CFAP299: variants seen among roughly 807,000 people sequenced by gnomAD.
CFAP299 encodes cilia- and flagella-associated protein 299.
In CFAP299, 21 loss-of-function variants were observed where a neutral mutation model predicts 27.0. The ratio of observed to expected loss-of-function variants is 0.78; its 90% CI spans 0.55 to 1.12. The LOEUF (loss-of-function observed/expected upper bound fraction) is 1.12. Ranked by LOEUF, CFAP299 falls within the 50% of genes most tolerant of loss-of-function variation. CFAP299 has a pLI of 0.00. For synonymous variants in CFAP299, 104 were observed against 98.1 expected (o/e 1.06, Z -0.36); for missense variants, 310 against 276.6 (o/e 1.12, Z -0.86).
intron 4 of CFAP299, among the ~76,000 whole-genome samples, chr4:80,921,774 CAAGCTGCTGCTGAGGGCCTGAACT>C (rs1229873230): frequency 6.6e-6 from 1 of 151,912 alleles, no homozygotes; most frequent in Non-Finnish European, 1.5e-5. Context: ...GACAAATAAA[CAAGCTGCTGCTGAGGGCCTGAACT>C]AGAGCAGTGG....
chr4:80,703,096 A>G (rs1228747661), intron 3 of CFAP299, among the ~76,000 whole-genome samples: 1 of 151,734 alleles, frequency 6.6e-6, no homozygotes, highest in Non-Finnish European at 1.5e-5. Context: ...GCATATGTCT[A>G]TTTAATAAAG....
chr4:80,613,336 C>T (rs1159654214), intron 3 of CFAP299, among the ~76,000 whole-genome samples: 1 of 152,030 alleles, frequency 6.6e-6, no homozygotes, highest in Admixed American at 6.6e-5. Flanking sequence ...TTTGTGGAAC[C>T]TCTCATTTTC....
intron 2 of CFAP299, among the ~76,000 whole-genome samples, chr4:80,400,561 C>T (rs555797631): frequency 2.6e-5 from 4 of 152,176 alleles, no homozygotes; most frequent in Admixed American, 6.5e-5. Context: ...CTCTTGCTAC[C>T]GCCATGTAAG....
chr4:80,592,482 A>G (rs1454454856), intron 3 of CFAP299, among the ~76,000 whole-genome samples: 2 of 152,212 alleles, frequency 1.3e-5, no homozygotes, highest in South Asian at 2.1e-4. Context: ...ATAATTTGCT[A>G]TGTGAAACAT....
At chr4:80,908,588 C>T (rs1187700411) in intron 4 of CFAP299, among the ~76,000 whole-genome samples, 1 of 152,132 alleles carries the variant, frequency 6.6e-6, no homozygotes, top group Non-Finnish European at 1.5e-5. Context: ...ATTAGTGTCA[C>T]CAGAAAACAT....
chr4:80,439,802 C>T (rs1171299242), intron 2 of CFAP299, among the ~76,000 whole-genome samples: 2 of 152,160 alleles, frequency 1.3e-5, no homozygotes, highest in Admixed American at 1.3e-4. Context: ...GATCCACTGG[C>T]GGGAAATTCT....
At chr4:80,684,932 C>G (rs1328569734) in intron 3 of CFAP299, among the ~76,000 whole-genome samples, 1 of 151,944 alleles carries the variant, frequency 6.6e-6, no homozygotes, top group African/African-American at 2.4e-5. Context: ...TAAAGACTAA[C>G]AAATTTTTAA....
At chr4:80,792,279 G>T (rs1323526492) in intron 3 of CFAP299, among the ~76,000 whole-genome samples, 3 of 152,056 alleles carry the variant, frequency 2.0e-5, no homozygotes, top group African/African-American at 7.2e-5. Context: ...CAGGGGTCAG[G>T]CAGACTTTTG....
At chr4:80,609,539 A>G (rs1365604722) in intron 3 of CFAP299, among the ~76,000 whole-genome samples, 2 of 152,020 alleles carry the variant, frequency 1.3e-5, no homozygotes, top group African/African-American at 4.8e-5. Context: ...TATTTATTTA[A>G]TATCATATAA....
chr4:80,855,754 G>T (rs941494146), intron 3 of CFAP299, among the ~76,000 whole-genome samples: 1 of 152,120 alleles, frequency 6.6e-6, no homozygotes, highest in Non-Finnish European at 1.5e-5. Flanking sequence ...TTTTATGGCT[G>T]CATAGTATTC....
intron 3 of CFAP299, among the ~76,000 whole-genome samples, chr4:80,637,626 A>G (rs1217158041): frequency 6.6e-6 from 1 of 152,198 alleles, no homozygotes; most frequent in African/African-American, 2.4e-5. Context: ...TTTACTTGTC[A>G]TAGCTACCCA....
chr4:80,759,358 A>G (rs1361036604), intron 3 of CFAP299, among the ~76,000 whole-genome samples: 2 of 152,194 alleles, frequency 1.3e-5, no homozygotes, highest in Non-Finnish European at 2.9e-5. Flanking sequence ...ACACGACTGA[A>G]AGTGGTAGTT....
chr4:80,901,650 T>C (rs1489454310), intron 4 of CFAP299, among the ~76,000 whole-genome samples: 4 of 152,128 alleles, frequency 2.6e-5, no homozygotes, highest in Non-Finnish European at 5.9e-5. Context: ...CTTATTCCAC[T>C]GTCTAGAATA....
At chr4:80,902,348 G>A (rs906150927) in intron 4 of CFAP299, among the ~76,000 whole-genome samples, 2 of 140,232 alleles carry the variant, frequency 1.4e-5, no homozygotes, top group African/African-American at 2.7e-5. Flanking sequence ...CCATATATAT[G>A]GATATATATG....
At chr4:80,720,380 A>T (rs183918958) in intron 3 of CFAP299, among the ~76,000 whole-genome samples, 92 of 152,302 alleles carry the variant, frequency 6.0e-4, no homozygotes, top group Non-Finnish European at 1.2e-3. Context: ...TACCTCAGCA[A>T]TGGAGAAAAT....
In CFAP299 at chr4:80,454,509, A is replaced by C. The variant is rs181338148; in HGVS notation, c.242+91625A>C. ...TGGGCATGAGAACCAGCTCACCCCC[A>C]AAAAATCCCACCAGCACTCGGGCAC... On this transcript the variant is annotated intron_variant, in intron 2 of 5. Coordinates refer to ENST00000358105, the MANE Select transcript of CFAP299 (RefSeq NM_152770.3). Among the ~76,000 whole-genome samples the C allele has an allele frequency of 1.5e-4, 23 of 152,288 alleles. No homozygotes were observed. In the East Asian group the frequency reaches 3.1e-3, roughly 20 times the overall value.
chr4:80,380,067 G>A (rs958014708), intron 2 of CFAP299, among the ~76,000 whole-genome samples: 2 of 151,814 alleles, frequency 1.3e-5, no homozygotes, highest in South Asian at 4.2e-4. Context: ...TTTGATTTAT[G>A]TATTTTGATA....
Position 80,349,206 on chromosome 4 carries a change from G to C in CFAP299, c.111+13327G>C, listed in dbSNP as rs568958720. Among the ~76,000 whole-genome samples, 31 of 152,290 alleles carry C rather than the reference G, an allele frequency of 2.0e-4. No homozygotes were observed. The South Asian group carries it at 6.2e-3, about 31-fold the overall frequency. ...AGATGTTGGAGAAGCTTAAGGAAGA[G>C]AGCCTCCAAAAGCCAAAACAATATT... On this transcript the variant is annotated intron_variant, in intron 1 of 5. Transcript: ENST00000358105.
intron 2 of CFAP299, among the ~76,000 whole-genome samples, chr4:80,365,339 TG>T (rs1312050373): frequency 2.0e-5 from 3 of 152,246 alleles, no homozygotes; most frequent in African/African-American, 7.2e-5. Flanking sequence ...CTTTCTCTAA[TG>T]ATCAGTGACG....
Sources: allele counts gnomAD v4.1 joint callset (sites outside exome capture counted in the v4.1 genomes callset), GRCh38; gene constraint gnomAD v4.1.1; transcripts MANE v1.5; gene names NCBI Gene and HGNC (gene_info 2026-07-23, HGNC 2026-07-21).